PCDHGB7: variants seen among roughly 807,000 people sequenced by gnomAD.
PCDHGB7 encodes protocadherin gamma subfamily B, 7.
Under a neutral mutation model 61.4 loss-of-function variants are expected in PCDHGB7, and 37 were observed. That is an observed-to-expected ratio of 0.60 (90% confidence interval 0.46 to 0.79). PCDHGB7 has a LOEUF of 0.79. Ranked by LOEUF, PCDHGB7 falls within the 30% of genes least tolerant of loss-of-function variation. PCDHGB7 has a pLI of 0.00. For synonymous variants in PCDHGB7, 464 were observed against 503.5 expected (o/e 0.92, Z 1.05); for missense variants, 1,166 against 1,202.5 (o/e 0.97, Z 0.45).
In PCDHGB7 at chr5:141,476,335, C is replaced by A; in HGVS notation, c.2416-18472C>A. On this transcript the variant is annotated intron_variant, in intron 1 of 3. Coordinates refer to ENST00000398594, the MANE Select transcript of PCDHGB7 (RefSeq NM_018927.4). The surrounding 1 kb of genome is among the most constrained non-coding windows in gnomAD (Gnocchi z 7.6). Reference sequence around the variant, plus strand: ...GGTTCCGGGTGGTGTCTGGAGCTAGCCGAAGATTCTTTGAGGTGAACCGGG... The same window carrying A: ...GGTTCCGGGTGGTGTCTGGAGCTAGACGAAGATTCTTTGAGGTGAACCGGG... 2 of 1,614,120 alleles carry A rather than the reference C, an allele frequency of 1.2e-6. No individual in the cohort carries two copies. Among genetic ancestry groups the A allele is most frequent in the Non-Finnish European group, 1.7e-6 (2 of 1,180,026 alleles).
rs1562129544 is a variant in PCDHGB7 at position 141,489,362 on chromosome 5, C to G, written c.2416-5445C>G. ...TACTCAGTGGTGGAGGAGTCTGAGC[C>G]GGGGACGCTGGTGGGGAATGTTGCT... On this transcript the variant is annotated intron_variant, in intron 1 of 3. Transcript: ENST00000398594. This position sits in a 1 kb window ranked among gnomAD's most constrained non-coding sequence, Gnocchi z 4.5. 6.2e-7 allele frequency: 1 copy of G among 1,613,052 alleles called. No individual in the cohort carries two copies. Among genetic ancestry groups the G allele is most frequent in the Non-Finnish European group, 8.5e-7 (1 of 1,179,268 alleles).
intron 1 of PCDHGB7, chr5:141,428,296 AT>A: frequency 1.4e-6 from 1 of 713,574 alleles, no homozygotes; most frequent in Non-Finnish European, 2.5e-6. Flanking sequence ...AAAGCTGCAG[AT>A]TTACCTGGTC....
chr5:141,471,626 G>A (rs938624727), intron 1 of PCDHGB7: 2 of 152,108 alleles, frequency 1.3e-5, no homozygotes, highest in South Asian at 4.1e-4. Context: ...GTAAGCATTG[G>A]TATGGATTAG....
In PCDHGB7 at chr5:141,489,242, TG is replaced by T; in HGVS notation, c.2416-5561del. 6.5e-7 allele frequency: 1 copy of T among 1,534,498 alleles called. No homozygotes were observed. The highest frequency in any genetic ancestry group is 2.3e-5 in the East Asian group (1 of 44,312). On this transcript the variant is annotated intron_variant, in intron 1 of 3. Transcript: ENST00000398594. The surrounding 1 kb of genome is among the most constrained non-coding windows in gnomAD (Gnocchi z 4.5). ...TCTCCACAAAGGGACTTCTGGGTCA[TG>T]GGGCCCAAGACACTCCCACAGCTCG...
intron 1 of PCDHGB7, among the ~76,000 whole-genome samples, chr5:141,459,691 C>T (rs754899227): frequency 3.9e-5 from 6 of 152,158 alleles, no homozygotes; most frequent in East Asian, 1.9e-4. Flanking sequence ...TAAAGCGTTC[C>T]GCTTGCTACA....
Position 141,418,542 on chromosome 5 carries a change from T to G in PCDHGB7, c.683T>G (p.Ile228Arg). 6.2e-7 allele frequency: 1 copy of G among 1,614,028 alleles called. No individual in the cohort carries two copies. Among genetic ancestry groups the G allele is most frequent in the Non-Finnish European group, 8.5e-7 (1 of 1,179,890 alleles). Residue 228 changes from isoleucine (I) to arginine (R), a missense_variant, in exon 1 of 4, where the codon ATA becomes AGA. Coordinates refer to ENST00000398594, the MANE Select transcript of PCDHGB7 (RefSeq NM_018927.4). ...GDPPRSGTAQ[I>R]RILVIDANDN... is the part of the protein sequence containing the mutation. ...CCTCCCCGAAGCGGTACTGCTCAGATAAGAATCCTGGTAATAGATGCCAAT... is the reference window on the plus strand; with the variant it reads ...CCTCCCCGAAGCGGTACTGCTCAGAGAAGAATCCTGGTAATAGATGCCAAT...
Position 141,489,623 on chromosome 5 carries a change from A to T in PCDHGB7, c.2416-5184A>T, listed in dbSNP as rs924162827. On this transcript the variant is annotated intron_variant, in intron 1 of 3. Coordinates refer to ENST00000398594, the MANE Select transcript of PCDHGB7 (RefSeq NM_018927.4). This position sits in a 1 kb window ranked among gnomAD's most constrained non-coding sequence, Gnocchi z 4.5. ...GAGGTAGAGATCCTGGATCTCAATG[A>T]CAACTCTCCTAGCTTTGCCACCCCT... is the stretch of plus-strand genomic sequence containing the variant. The T allele has an allele frequency of 6.2e-7, 1 of 1,614,102 alleles. No homozygotes were observed. Among genetic ancestry groups the T allele is most frequent in the Non-Finnish European group, 8.5e-7 (1 of 1,179,996 alleles).
At chr5:141,473,942 G>A (rs1419813166) in intron 1 of PCDHGB7, among the ~76,000 whole-genome samples, 3 of 152,124 alleles carry the variant, frequency 2.0e-5, no homozygotes, top group Non-Finnish European at 2.9e-5. Flanking sequence ...AGTAGCTCAG[G>A]CCTGTAGTCC....
intron 1 of PCDHGB7, chr5:141,423,611 C>T: frequency 1.1e-5 from 18 of 1,611,094 alleles, no homozygotes; most frequent in Non-Finnish European, 1.5e-5. Flanking sequence ...CTCTTGATAG[C>T]TGAAGACTCA....
chr5:141,457,335 A>G (rs2098917073), intron 1 of PCDHGB7, among the ~76,000 whole-genome samples: 1 of 152,172 alleles, frequency 6.6e-6, no homozygotes, highest in Admixed American at 6.5e-5. Flanking sequence ...CAGGTACCTT[A>G]CTTACTTTCA....
chr5:141,443,317 CA>C (rs35054295), intron 1 of PCDHGB7, among the ~76,000 whole-genome samples: 28 of 142,048 alleles, frequency 2.0e-4, no homozygotes, highest in Non-Finnish European at 2.6e-4. Flanking sequence ...CCCATCTCTA[CA>C]AAAAAAAAAA....
intron 1 of PCDHGB7, chr5:141,478,813 A>G (rs2099478658): frequency 4.8e-6 from 7 of 1,453,346 alleles, no homozygotes; most frequent in Non-Finnish European, 6.3e-6. Context: ...TGCTATCACA[A>G]CTAACCAATC....
intron 2 of PCDHGB7, among the ~76,000 whole-genome samples, chr5:141,499,885 G>A (rs945162089): frequency 2.6e-5 from 4 of 151,850 alleles, no homozygotes; most frequent in Non-Finnish European, 4.4e-5. Flanking sequence ...ACAGGGTTTC[G>A]CCATGTTGGC....
chr5:141,460,979 GTGTGTATATATATATA>G (rs2099004425), intron 1 of PCDHGB7, among the ~76,000 whole-genome samples: 1 of 134,290 alleles, frequency 7.4e-6, no homozygotes, highest in Non-Finnish European at 1.5e-5. Flanking sequence ...GTGTGTGTGT[GTGTGTATATATATATA>G]TGTGTATATA....
chr5:141,420,336 T>C, intron 1 of PCDHGB7, 62 bp downstream of exon 1: 1 of 1,399,186 alleles, frequency 7.1e-7, no homozygotes, highest in East Asian at 2.5e-5. Flanking sequence ...TATTCCAATA[T>C]AGTGGTATTA....
chr5:141,507,368 T>C (rs1446319165), intron 3 of PCDHGB7: 2 of 152,094 alleles, frequency 1.3e-5, no homozygotes, highest in Non-Finnish European at 2.9e-5. Context: ...GGGAGCCCTG[T>C]ACTTTTATTT....
chr5:141,497,492 C>G (rs954582026), intron 2 of PCDHGB7, among the ~76,000 whole-genome samples: 1 of 151,628 alleles, frequency 6.6e-6, no homozygotes, highest in Non-Finnish European at 1.5e-5. Flanking sequence ...ACCTCTCTCT[C>G]TCTCCTCTCT....
intron 1 of PCDHGB7, chr5:141,430,990 GA>G (rs1185464233): frequency 1.2e-6 from 2 of 1,613,970 alleles, no homozygotes; most frequent in East Asian, 4.5e-5. Context: ...TTTTCGCCCT[GA>G]ATCCGCGCAG....
At chr5:141,421,699 G>T (rs751572007) in intron 1 of PCDHGB7, 1 of 1,613,928 alleles carries the variant, frequency 6.2e-7, no homozygotes, top group Admixed American at 1.7e-5. Flanking sequence ...TCTTCCTAAT[G>T]CTAGGGATCC....
Sources: allele counts gnomAD v4.1 joint callset (sites outside exome capture counted in the v4.1 genomes callset), GRCh38; gene constraint gnomAD v4.1.1; non-coding constraint Gnocchi (gnomAD v3.1); transcripts MANE v1.5; gene names NCBI Gene and HGNC (gene_info 2026-07-23, HGNC 2026-07-21).